The following TSTD1 variants were observed in gnomAD, a reference collection of about 807,000 sequenced individuals.
The protein encoded by TSTD1 is thiosulfate sulfurtransferase like domain containing 1.
Under a neutral mutation model 12.6 loss-of-function variants are expected in TSTD1, and 7 were observed. The ratio of observed to expected loss-of-function variants is 0.55; its 90% confidence interval spans 0.32 to 1.04. The LOEUF (loss-of-function observed/expected upper bound fraction) is 1.04. Ranked by LOEUF, TSTD1 falls within the 50% of genes least tolerant of loss-of-function variation. The probability of loss-of-function intolerance (pLI) is 0.05; values close to 1 mark genes in which losing one functional copy is unlikely to be tolerated. For missense variants in TSTD1, 156 were observed against 151.0 expected (o/e 1.03, Z -0.17); for synonymous variants, 73 against 59.7 (o/e 1.22, Z -1.03).
At chr1:161,038,138 G>C in intron 2 of TSTD1, 63 bp from the exon 3 acceptor site, 1 of 1,510,086 alleles carries the variant, frequency 6.6e-7, no homozygotes, top group South Asian at 1.2e-5. Context: ...CGGAAGCTGG[G>C]CCTGGAAGGG....
Position 161,037,800 on chromosome 1 carries a change from CTATAGGCTCCAGCG to C in TSTD1, c.309_322del (p.Tyr103Ter). ...CTAACTCTCTTTCTCCAACCATTCT[CTATAGGCTCCAGCG>C]TAGTTGCGAGCCCTGTGGAGACAAA... On this transcript the variant is annotated stop_gained and frameshift_variant, in exon 4 of 4. Coordinates refer to ENST00000423014, the MANE Select transcript of TSTD1 (RefSeq NM_001113207.2). LOFTEE classifies it high-confidence loss of function. The C allele has an allele frequency of 1.9e-6, 3 of 1,551,752 alleles. No homozygotes were observed. The highest frequency in any genetic ancestry group is 2.6e-6 in the Non-Finnish European group (3 of 1,147,016).
At position 161,038,164 on chromosome 1, in the gene TSTD1, C is replaced by T. The variant is rs947478709; in HGVS notation, c.134-89G>A. ...CCTGGAAGGGCTGGGTCCTGGGGGC[C>T]CCCAAACAACATATGATAACCATCC... On this transcript the variant is annotated intron_variant, in intron 2 of 3. Transcript: ENST00000423014. 2.1e-5 allele frequency: 27 copies of T among 1,315,062 alleles called. No homozygotes were observed. The Middle Eastern group carries it at 1.5e-3, about 71-fold the overall frequency. 81.5% of individuals were successfully genotyped at this position (1,315,062 alleles called of 1,614,324 possible).
Position 161,038,566 on chromosome 1 carries a change from C to T in TSTD1, c.118G>A (p.Ala40Thr), listed in dbSNP as rs1378308563. ...CACCCTATACCCGGGATGTTGAGCGCCCCTGGGATGGTCCCAGCTGCCGCC... is the reference window on the plus strand; with the variant it reads ...CACCCTATACCCGGGATGTTGAGCGTCCCTGGGATGGTCCCAGCTGCCGCC... ...EEAAAGTIPG[A>T]LNIPVSELES... The change falls in exon 2 of 4, where the codon GCG becomes ACG. Residue 40 changes from alanine (A) to threonine (T), a missense_variant. By Grantham distance (58) the Ala-to-Thr change is moderately conservative. Transcript: ENST00000423014. 5 of 1,549,134 alleles carry T rather than the reference C, an allele frequency of 3.2e-6. No individual in the cohort carries two copies. The highest frequency in any genetic ancestry group is 4.4e-6 in the Non-Finnish European group (5 of 1,145,164).
Position 161,038,545 on chromosome 1 carries a change from C to T in TSTD1, c.133+6G>A, listed in dbSNP as rs1254953064. 1.9e-6 allele frequency: 3 copies of T among 1,539,048 alleles called. No homozygotes were observed. Among genetic ancestry groups the T allele is most frequent in the Non-Finnish European group, 2.6e-6 (3 of 1,137,362 alleles). The stretch of plus-strand genomic sequence containing the variant: ...ACCACCTGGGCGTCCCCTCTCCACC[C>T]TATACCCGGGATGTTGAGCGCCCCT... On this transcript the variant is annotated splice_donor_region_variant and intron_variant, in intron 2 of 3. Coordinates refer to ENST00000423014, the MANE Select transcript of TSTD1 (RefSeq NM_001113207.2).
In TSTD1 at chr1:161,038,835, CA is replaced by C; in HGVS notation, c.10+44del. ...CCCCACTCCCTGCCACGCCTCAACC[CA>C]GAGGACCAAGAGAACCGCGGCCCCA... On this transcript the variant is annotated intron_variant, in intron 1 of 3. Transcript: ENST00000423014. 1.9e-6 allele frequency: 3 copies of C among 1,547,194 alleles called. No homozygotes were observed. In the South Asian group the frequency reaches 3.6e-5, roughly 18 times the overall value.
At position 161,037,745 on chromosome 1, in the gene TSTD1, G is replaced by A; in HGVS notation, c.*30C>T. 6.4e-7 allele frequency: 1 copy of A among 1,551,406 alleles called. No homozygotes were observed. The highest frequency in any genetic ancestry group is 8.7e-7 in the Non-Finnish European group (1 of 1,146,808). On this transcript the variant is annotated 3_prime_UTR_variant, in exon 4 of 4. Coordinates refer to ENST00000423014, the MANE Select transcript of TSTD1 (RefSeq NM_001113207.2). ...AGTTAAGGTGGCCATTAAGGGGCCA[G>A]GGGGTGGCAATCAGTAAGCTGCCTC...
At chr1:161,038,761 C>T in intron 1 of TSTD1, 88 bp from the exon 2 acceptor site, 1 of 1,519,916 alleles carries the variant, frequency 6.6e-7, no homozygotes, top group Non-Finnish European at 8.9e-7. Context: ...GCGCCCCTCC[C>T]GGTAGGGTGT....
At chr1:161,038,766 G>T in intron 1 of TSTD1, 93 bp from the exon 2 acceptor site, 1 of 1,518,876 alleles carries the variant, frequency 6.6e-7, no homozygotes, top group Admixed American at 2.0e-5. Context: ...CCTCCCGGTA[G>T]GGTGTGCACG....
intron 1 of TSTD1, 29 bp downstream of exon 1, chr1:161,038,851 C>A: frequency 6.5e-7 from 1 of 1,548,778 alleles, no homozygotes; most frequent in East Asian, 2.5e-5. Context: ...ACCAAGAGAA[C>A]CGCGGCCCCA....
At chr1:161,038,477 T>C in intron 2 of TSTD1, 74 bp downstream of exon 2, 3 of 1,441,654 alleles carry the variant, frequency 2.1e-6, no homozygotes, top group Non-Finnish European at 2.8e-6. Flanking sequence ...CCATCCTAAA[T>C]GAGGTCCCAT....
At position 161,038,564 on chromosome 1, in the gene TSTD1, C is replaced by G; in HGVS notation, c.120G>C (p.Ala40=). 1 of 1,542,422 alleles carries G rather than the reference C, an allele frequency of 6.5e-7. No homozygotes were observed. Among genetic ancestry groups the G allele is most frequent in the Non-Finnish European group, 8.8e-7 (1 of 1,139,938 alleles). Residue 40 remains alanine, a synonymous_variant, in exon 2 of 4, where the codon GCG becomes GCC. Coordinates refer to ENST00000423014, the MANE Select transcript of TSTD1 (RefSeq NM_001113207.2). Reference sequence around the variant, plus strand: ...TCCACCCTATACCCGGGATGTTGAGCGCCCCTGGGATGGTCCCAGCTGCCG... The same window carrying G: ...TCCACCCTATACCCGGGATGTTGAGGGCCCCTGGGATGGTCCCAGCTGCCG... The part of the protein sequence containing the change: ...EEAAAGTIPG[A]LNIPVSELES...
Position 161,037,692 on chromosome 1 carries a change from T to C in TSTD1, c.*83A>G, listed in dbSNP as rs1365477883. ...CACAACACTATAAGGAGTTGCCCAA[T>C]TCACCAAGTCAGCCCGTTCACACCC... On this transcript the variant is annotated 3_prime_UTR_variant, in exon 4 of 4. Coordinates refer to ENST00000423014, the MANE Select transcript of TSTD1 (RefSeq NM_001113207.2). 3 of 1,454,784 alleles carry C rather than the reference T, an allele frequency of 2.1e-6. No homozygotes were observed. Among genetic ancestry groups the C allele is most frequent in the African/African-American group, 2.8e-5 (2 of 70,860 alleles). The allele number at this position is 1,454,784 out of a possible 1,614,324, so 90.1% of individuals were successfully genotyped here. A position where few individuals can be genotyped will look rare whatever the true frequency, so the allele number is the denominator to read the frequency against.
Position 161,037,739 on chromosome 1 carries a change from G to C in TSTD1, c.*36C>G. Reference sequence around the variant, plus strand: ...ACCCTTAGTTAAGGTGGCCATTAAGGGGCCAGGGGGTGGCAATCAGTAAGC... The same window carrying C: ...ACCCTTAGTTAAGGTGGCCATTAAGCGGCCAGGGGGTGGCAATCAGTAAGC... On this transcript the variant is annotated 3_prime_UTR_variant, in exon 4 of 4. Coordinates refer to ENST00000423014, the MANE Select transcript of TSTD1 (RefSeq NM_001113207.2). 1 of 1,551,184 alleles carries C rather than the reference G, an allele frequency of 6.4e-7. No homozygotes were observed. Among genetic ancestry groups the C allele is most frequent in the Non-Finnish European group, 8.7e-7 (1 of 1,146,550 alleles).
chr1:161,037,795 A>G lies in TSTD1; in HGVS notation c.328T>C (p.Trp110Arg), dbSNP rs1428341689. ...ARNYAGAYRE[W>R]LEKES ...CCTGCCTAACTCTCTTTCTCCAACC[A>G]TTCTCTATAGGCTCCAGCGTAGTTG... Residue 110 changes from tryptophan (W) to arginine (R), a missense_variant, in exon 4 of 4, where the codon TGG becomes CGG. Coordinates refer to ENST00000423014, the MANE Select transcript of TSTD1 (RefSeq NM_001113207.2). 4.5e-6 allele frequency: 7 copies of G among 1,551,758 alleles called. No homozygotes were observed. Among genetic ancestry groups the G allele is most frequent in the Non-Finnish European group, 6.1e-6 (7 of 1,146,998 alleles).
At chr1:161,038,386 G>T in intron 2 of TSTD1, 165 bp downstream of exon 2, 1 of 870,790 alleles carries the variant, frequency 1.1e-6, no homozygotes. Context: ...GCCAAGATCC[G>T]CCCCCCATCA....
chr1:161,038,430 G>T (rs942610276), intron 2 of TSTD1, 121 bp downstream of exon 2: 7 of 1,236,232 alleles, frequency 5.7e-6, no homozygotes, highest in Admixed American at 2.9e-5. Context: ...CTGGCTCCCG[G>T]GAATGCAGGA....
Position 161,037,928 on chromosome 1 carries a change from C to T in TSTD1, c.281G>A (p.Ser94Asn). 1 of 1,551,868 alleles carries T rather than the reference C, an allele frequency of 6.4e-7. No individual in the cohort carries two copies. Among genetic ancestry groups the T allele is most frequent in the Non-Finnish European group, 8.7e-7 (1 of 1,147,022 alleles). The part of the protein sequence containing the change: ...RGLQATQLAR[S>N]LGYTGARNYA... ...CTCCCCGTACCCAGTGTATCCAAGA[C>T]TCCGGGCCAGCTGCGTGGCCTGGAG... is the stretch of plus-strand genomic sequence containing the variant. The change falls in exon 3 of 4, where the codon AGT (serine) becomes AAT (asparagine). Residue 94 changes from serine to asparagine, a missense_variant. Physicochemically the swap from Ser to Asn is conservative, Grantham distance 46 (BLOSUM62 1). Transcript: ENST00000423014.
Position 161,038,002 on chromosome 1 carries a change from C to A in TSTD1, c.207G>T (p.Lys69Asn), listed in dbSNP as rs1321265149. 1.3e-5 allele frequency: 20 copies of A among 1,551,748 alleles called. No homozygotes were observed. Among genetic ancestry groups the A allele is most frequent in the Non-Finnish European group, 1.7e-5 (20 of 1,147,006 alleles). Reference protein sequence around the residue: ...FQALYSAEKPKLEDEHLVFFC... With the variant: ...FQALYSAEKPNLEDEHLVFFC... ...AGAAAACGAGATGCTCATCTTCCAG[C>A]TTTGGCTTCTCAGCAGAATATAAAG... The change falls in exon 3 of 4, where the codon AAG becomes AAT. Residue 69 changes from lysine to asparagine, a missense_variant. Lys to Asn is a moderately conservative substitution (Grantham distance 94). Coordinates refer to ENST00000423014, the MANE Select transcript of TSTD1 (RefSeq NM_001113207.2).
chr1:161,037,993 A>G lies in TSTD1; in HGVS notation c.216T>C (p.Asp72=), dbSNP rs1014937973. The G allele has an allele frequency of 6.4e-7, 1 of 1,551,792 alleles. No homozygotes were observed. Among genetic ancestry groups the G allele is most frequent in the Non-Finnish European group, 8.7e-7 (1 of 1,147,016 alleles). Residue 72 remains aspartate, a synonymous_variant, in exon 3 of 4, where the codon GAT becomes GAC. Transcript: ENST00000423014. ...LYSAEKPKLE[D]EHLVFFCQMG... ...TCTGACAGAAGAAAACGAGATGCTC[A>G]TCTTCCAGCTTTGGCTTCTCAGCAG... is the stretch of plus-strand genomic sequence containing the variant.
Sources: allele counts gnomAD v4.1 joint callset, GRCh38; gene constraint gnomAD v4.1.1; transcripts MANE v1.5; gene names NCBI Gene and HGNC (gene_info 2026-07-23, HGNC 2026-07-21).